FMN1: variants seen among roughly 807,000 people sequenced by gnomAD.
The protein encoded by FMN1 is formin 1.
A neutral mutation model predicts 132.4 loss-of-function variants in FMN1; 110 were observed. That is an observed-to-expected ratio of 0.83 (90% CI 0.71 to 0.97). The LOEUF (loss-of-function observed/expected upper bound fraction) is 0.97. Ranked by LOEUF, FMN1 falls within the 50% of genes least tolerant of loss-of-function variation. FMN1 has a pLI of 0.00. For missense variants in FMN1, 1,792 were observed against 1,705.3 expected (o/e 1.05, Z -0.90); for synonymous variants, 722 against 651.7 (o/e 1.11, Z -1.64).
At position 33,117,240 on chromosome 15, in the gene FMN1, T is replaced by C. The variant is rs538101836; in HGVS notation, c.1868-28266A>G. Among the ~76,000 whole-genome samples the C allele has an allele frequency of 1.2e-4, 18 of 152,318 alleles. No homozygotes were observed. In the Middle Eastern group the frequency reaches 0.01, roughly 86 times the overall value. ...GAAAACAAATCCAGGGTGCCACTGC[T>C]GGAAGTTATACGCCCTCAGATTCTG... On this transcript the variant is annotated intron_variant, in intron 4 of 20. Transcript: ENST00000616417.
At chr15:33,019,998 G>A (rs566579940) in intron 6 of FMN1, among the ~76,000 whole-genome samples, 37 of 152,326 alleles carry the variant, frequency 2.4e-4, no homozygotes, top group African/African-American at 8.2e-4. Flanking sequence ...CCGAGAGCGA[G>A]CGAGGGCTGC....
At chr15:32,817,251 C>G (rs1327211884) in intron 17 of FMN1, among the ~76,000 whole-genome samples, 2 of 152,184 alleles carry the variant, frequency 1.3e-5, no homozygotes, top group African/African-American at 4.8e-5. Context: ...ATGAAATAGC[C>G]ATTGCTATCC....
rs571031306 is a variant in FMN1 at position 33,008,336 on chromosome 15, A to G, written c.2162-261T>C. ...GGGTTAAAAGAAAAAAAAAGGGATG[A>G]TGAGTGTGTTCCAGATAAACACTAG... On this transcript the variant is annotated intron_variant, in intron 6 of 20. Coordinates refer to ENST00000616417, the MANE Select transcript of FMN1 (RefSeq NM_001277313.2). Among the ~76,000 whole-genome samples, 14 of 152,282 alleles carry G rather than the reference A, an allele frequency of 9.2e-5. No individual in the cohort carries two copies. In the South Asian group the frequency reaches 2.9e-3, roughly 32 times the overall value.
At chr15:33,122,175 T>A (rs181257207) in intron 4 of FMN1, among the ~76,000 whole-genome samples, 1 of 152,366 alleles carries the variant, frequency 6.6e-6, no homozygotes, top group East Asian at 1.9e-4. Context: ...GCAATGTTCT[T>A]AGGTGAAACC....
rs1965705574 is a variant in FMN1 at position 33,181,678 on chromosome 15, A to G, written c.-196-1416T>C. On this transcript the variant is annotated intron_variant, in intron 2 of 20. Transcript: ENST00000616417. ...TTGCATTGCGGAGAGACAAGATCTGATTATATTCTTTTCTTTTCTTTTTTC... is the reference window on the plus strand; with the variant it reads ...TTGCATTGCGGAGAGACAAGATCTGGTTATATTCTTTTCTTTTCTTTTTTC... 2.0e-5 allele frequency among the ~76,000 whole-genome samples: 3 copies of G among 148,184 alleles called. No individual in the cohort carries two copies. The South Asian group carries it at 6.5e-4, about 32-fold the overall frequency.
intron 20 of FMN1, 109 bp downstream of exon 20, chr15:32,776,726 T>G: frequency 1.7e-6 from 1 of 589,458 alleles, no homozygotes; most frequent in Non-Finnish European, 2.9e-6. Context: ...TACTCTGGGA[T>G]GGGAACTGAG....
chr15:32,881,441 A>G (rs2059767862), intron 16 of FMN1, among the ~76,000 whole-genome samples: 1 of 152,176 alleles, frequency 6.6e-6, no homozygotes. Context: ...TGATGCTTTT[A>G]AAGAATTCTA....
At chr15:33,070,530 A>C (rs994057931) in intron 5 of FMN1, among the ~76,000 whole-genome samples, 1 of 151,874 alleles carries the variant, frequency 6.6e-6, no homozygotes, top group Non-Finnish European at 1.5e-5. Flanking sequence ...GCCCTTCTGC[A>C]CCATGGCATG....
chr15:32,998,594 T>G (rs2033915700), intron 7 of FMN1, among the ~76,000 whole-genome samples: 1 of 152,196 alleles, frequency 6.6e-6, no homozygotes, highest in African/African-American at 2.4e-5. Context: ...ACACTCCCCG[T>G]GGTGCTCTAC....
At chr15:33,102,319 A>T (rs1284813811) in intron 4 of FMN1, among the ~76,000 whole-genome samples, 1 of 152,174 alleles carries the variant, frequency 6.6e-6, no homozygotes, top group Non-Finnish European at 1.5e-5. Flanking sequence ...TGAAATGAGA[A>T]GATGTGCTAG....
chr15:33,075,629 C>A (rs982766007), intron 5 of FMN1, among the ~76,000 whole-genome samples: 1 of 152,048 alleles, frequency 6.6e-6, no homozygotes, highest in African/African-American at 2.4e-5. Flanking sequence ...ATTTTGTTTC[C>A]CAAGCTCCAA....
At chr15:33,001,485 T>C (rs981027713) in intron 7 of FMN1, among the ~76,000 whole-genome samples, 1 of 152,178 alleles carries the variant, frequency 6.6e-6, no homozygotes, top group East Asian at 1.9e-4. Flanking sequence ...CTTCACTGTT[T>C]TATGTCATTT....
intron 18 of FMN1, among the ~76,000 whole-genome samples, chr15:32,799,590 T>G (rs994798459): frequency 4.6e-5 from 7 of 152,190 alleles, no homozygotes; most frequent in Non-Finnish European, 7.4e-5. Flanking sequence ...CAGATACAGT[T>G]GTAGGCATAG....
chr15:33,165,567 A>G lies in FMN1; in HGVS notation c.-131-10522T>C, dbSNP rs1965072532. On this transcript the variant is annotated intron_variant, in intron 3 of 20. Coordinates refer to ENST00000616417, the MANE Select transcript of FMN1 (RefSeq NM_001277313.2). Reference sequence around the variant, plus strand: ...CACCACGCCCGGCTAATTTTTTTGTATTTTTAGTAGAGACGGGGTTTCACT... The same window carrying G: ...CACCACGCCCGGCTAATTTTTTTGTGTTTTTAGTAGAGACGGGGTTTCACT... Among the ~76,000 whole-genome samples, 6 of 151,998 alleles carry G rather than the reference A, an allele frequency of 3.9e-5. No homozygotes were observed. In the South Asian group the frequency reaches 1.3e-3, roughly 32 times the overall value.
chr15:33,158,781 G>A (rs979329605), intron 3 of FMN1, among the ~76,000 whole-genome samples: 21 of 152,188 alleles, frequency 1.4e-4, no homozygotes, highest in Non-Finnish European at 2.6e-4. Context: ...CAAGTAGGGG[G>A]TAAGACTAGT....
chr15:33,152,779 A>G (rs1437234763), intron 4 of FMN1, among the ~76,000 whole-genome samples: 2 of 128,092 alleles, frequency 1.6e-5, no homozygotes, highest in Non-Finnish European at 3.3e-5. Context: ...AAGTAACTTT[A>G]GAGGATGCCA....
chr15:33,062,745 T>C (rs1157024904), intron 6 of FMN1: 4 of 152,214 alleles, frequency 2.6e-5, no homozygotes, highest in African/African-American at 9.6e-5. Context: ...TTCTCTGAAA[T>C]AGAATCATAG....
chr15:33,001,469 C>T lies in FMN1; in HGVS notation c.2223+6545G>A, dbSNP rs148027437. On this transcript the variant is annotated intron_variant, in intron 7 of 20. Transcript: ENST00000616417. The stretch of plus-strand genomic sequence containing the variant: ...CGGGAGGGTGGTTGCAGGTCATTTC[C>T]CATGACTTCACTGTTTTATGTCATT... Among the ~76,000 whole-genome samples the T allele has an allele frequency of 1.5e-3, 222 of 152,250 alleles. 2 individuals carry two copies. The East Asian group carries it at 0.034, about 23-fold the overall frequency.
intron 7 of FMN1, among the ~76,000 whole-genome samples, chr15:32,995,349 T>G (rs1039340757): frequency 6.6e-6 from 1 of 152,166 alleles, no homozygotes; most frequent in Non-Finnish European, 1.5e-5. Context: ...TATAAAAAGT[T>G]GATAATTTTA....
Sources: allele counts gnomAD v4.1 joint callset (sites outside exome capture counted in the v4.1 genomes callset), GRCh38; gene constraint gnomAD v4.1.1; transcripts MANE v1.5; gene names NCBI Gene and HGNC (gene_info 2026-07-23, HGNC 2026-07-21).